The following MARCO variants were observed in gnomAD, a reference collection of about 807,000 sequenced individuals.
MARCO encodes the protein macrophage receptor MARCO.
Under a neutral mutation model 70.0 loss-of-function variants are expected in MARCO, and 72 were observed. That is an observed-to-expected ratio of 1.03 (90% CI 0.85 to 1.25). MARCO has a LOEUF of 1.25. Ranked by LOEUF, MARCO falls within the 50% of genes most tolerant of loss-of-function variation. The pLI, the probability that MARCO is intolerant of heterozygous loss-of-function variation, is 0.00. For synonymous variants in MARCO, 273 were observed against 243.1 expected (o/e 1.12, Z -1.14); for missense variants, 696 against 659.3 (o/e 1.06, Z -0.61).
intron 1 of MARCO, among the ~76,000 whole-genome samples, chr2:118,950,204 A>G (rs1354528916): frequency 6.6e-6 from 1 of 152,244 alleles, no homozygotes; most frequent in East Asian, 1.9e-4. Flanking sequence ...TAATTTTAAT[A>G]AAACCTTGTT....
At position 118,946,858 on chromosome 2, in the gene MARCO, C is replaced by T. The variant is rs547006698; in HGVS notation, c.97+4461C>T. Among the ~76,000 whole-genome samples, 27 of 152,304 alleles carry T rather than the reference C, an allele frequency of 1.8e-4. No individual in the cohort carries two copies. The South Asian group carries it at 3.5e-3, about 20-fold the overall frequency. On this transcript the variant is annotated intron_variant, in intron 1 of 16. Transcript: ENST00000327097. ...CACTATTTTTAAATGTAGCCATTCT[C>T]GTAGATGTATACTGATATTTCATTG... is the stretch of plus-strand genomic sequence containing the variant.
At chr2:118,972,427 T>C (rs996255620) in intron 4 of MARCO, among the ~76,000 whole-genome samples, 4 of 152,142 alleles carry the variant, frequency 2.6e-5, no homozygotes, top group Admixed American at 6.6e-5. Flanking sequence ...TGCAAAGTGA[T>C]GGAAGCAGGG....
intron 1 of MARCO, among the ~76,000 whole-genome samples, chr2:118,950,458 A>AT (rs34735214): frequency 0.39 from 59,608 of 151,930 alleles, 14,818 homozygotes; most frequent in African/African-American, 0.69. Context: ...TCAAAACAAA[A>AT]TTTTTTTAAC....
chr2:118,994,440 C>T lies in MARCO; in HGVS notation c.1483C>T (p.Leu495=), dbSNP rs1482808198. 1 of 1,614,024 alleles carries T rather than the reference C, an allele frequency of 6.2e-7. No individual in the cohort carries two copies. The highest frequency in any genetic ancestry group is 8.5e-7 in the Non-Finnish European group (1 of 1,179,966). The change falls in exon 17 of 17, where the codon CTG becomes TTG. Residue 495 remains leucine, a synonymous_variant. Coordinates refer to ENST00000327097, the MANE Select transcript of MARCO (RefSeq NM_006770.4). ...TCAGTGTCGGGGCACGGAGAGTACC[C>T]TGTGGAGCTGCACCAAGAATAGCTG... ...NVQCRGTEST[L]WSCTKNSWGH...
At position 118,942,414 on chromosome 2, in the gene MARCO, C is replaced by T. The variant is rs780370728; in HGVS notation, c.97+17C>T. 1.9e-6 allele frequency: 3 copies of T among 1,569,816 alleles called. No individual in the cohort carries two copies. In the African/African-American group the frequency reaches 4.1e-5, roughly 21 times the overall value. ...AAATCAATGGTAAAGTACGATTCCC[C>T]AATAATGGAAATGACCAGAAATGTA... On this transcript the variant is annotated intron_variant, in intron 1 of 16. Transcript: ENST00000327097.
rs78683772 is a variant in MARCO at position 118,989,741 on chromosome 2, T to C, written c.1064-848T>C. On this transcript the variant is annotated intron_variant, in intron 12 of 16. Transcript: ENST00000327097. ...GGACACAGATACTTATGACTCACTG[T>C]TGGTGTTCCCCTCATTACCCTCTAG... is the stretch of plus-strand genomic sequence containing the variant. Among the ~76,000 whole-genome samples the C allele has an allele frequency of 9.3e-3, 1,418 of 152,320 alleles. 10 individuals carry two copies. The highest frequency in any genetic ancestry group is 0.016 in the Non-Finnish European group (1,074 of 68,024).
intron 12 of MARCO, 131 bp from the exon 13 acceptor site, chr2:118,990,458 A>G: frequency 1.2e-6 from 1 of 840,404 alleles, no homozygotes; most frequent in Non-Finnish European, 1.9e-6. Flanking sequence ...GGCTTTAAAC[A>G]ATCGTGGAGA....
At chr2:118,961,234 G>T (rs1679940903) in intron 1 of MARCO, among the ~76,000 whole-genome samples, 1 of 150,916 alleles carries the variant, frequency 6.6e-6, no homozygotes, top group Admixed American at 6.6e-5. Flanking sequence ...AGAATGGTTT[G>T]TAATAGGATT....
At chr2:118,966,871 G>T (rs1354765112) in intron 1 of MARCO, among the ~76,000 whole-genome samples, 1 of 152,164 alleles carries the variant, frequency 6.6e-6, no homozygotes, top group Non-Finnish European at 1.5e-5. Flanking sequence ...TAAATGTGAG[G>T]CTCCCCTCGT....
intron 12 of MARCO, among the ~76,000 whole-genome samples, chr2:118,984,657 C>T (rs951000496): frequency 3.3e-5 from 5 of 152,164 alleles, no homozygotes; most frequent in Admixed American, 2.6e-4. Flanking sequence ...GCTAATTTAG[C>T]TGGGTATGTA....
chr2:118,990,569 C>CGGGG lies in MARCO; in HGVS notation c.1064-20_1064-19insGGGG. Reference sequence around the variant, plus strand: ...AGTTTTATTATCTCCTCCCCCCCCCCTTTTTTGTTTTGATCTTAGGACTTC... The same window carrying CGGGG: ...AGTTTTATTATCTCCTCCCCCCCCCCGGGGTTTTTTGTTTTGATCTTAGGACTTC... On this transcript the variant is annotated intron_variant, in intron 12 of 16. Transcript: ENST00000327097. 49 of 1,415,540 alleles carry CGGGG rather than the reference C, an allele frequency of 3.5e-5. No homozygotes were observed. Among genetic ancestry groups the CGGGG allele is most frequent in the East Asian group, 4.9e-5 (2 of 40,780 alleles). 87.7% of individuals were successfully genotyped at this position (1,415,540 alleles called of 1,614,324 possible). A position where few individuals can be genotyped will look rare whatever the true frequency, so the allele number is the denominator to read the frequency against.
At chr2:118,986,859 A>G (rs1219734792) in intron 12 of MARCO, among the ~76,000 whole-genome samples, 1 of 152,180 alleles carries the variant, frequency 6.6e-6, no homozygotes, top group Admixed American at 6.5e-5. Flanking sequence ...ACTCAGAATC[A>G]GGAGATCTGA....
At chr2:118,971,558 C>T (rs1481734673) in intron 4 of MARCO, 24 bp downstream of exon 4, 2 of 1,612,806 alleles carry the variant, frequency 1.2e-6, no homozygotes, top group Admixed American at 1.7e-5. Context: ...CACTCACACC[C>T]ACCCTGCTCT....
chr2:118,955,041 CA>C (rs1679808346), intron 1 of MARCO, among the ~76,000 whole-genome samples: 1 of 129,370 alleles, frequency 7.7e-6, no homozygotes, highest in East Asian at 2.2e-4. Flanking sequence ...CCCGCCCTGC[CA>C]AAAATAGAAA....
At chr2:118,954,262 G>T (rs1679785174) in intron 1 of MARCO, among the ~76,000 whole-genome samples, 1 of 152,134 alleles carries the variant, frequency 6.6e-6, no homozygotes, top group Non-Finnish European at 1.5e-5. Context: ...CCTTTGGTTT[G>T]TGTGGGAGCT....
intron 12 of MARCO, 80 bp from the exon 13 acceptor site, chr2:118,990,509 A>T: frequency 7.4e-7 from 1 of 1,357,394 alleles, no homozygotes; most frequent in Non-Finnish European, 1.1e-6. Context: ...GACAAAAGGT[A>T]GAGGTTGTCT....
intron 4 of MARCO, among the ~76,000 whole-genome samples, chr2:118,973,197 C>T (rs1680207780): frequency 1.3e-5 from 2 of 151,296 alleles, no homozygotes; most frequent in South Asian, 4.2e-4. Flanking sequence ...AGAAAAACTC[C>T]AACTCTCTCT....
At chr2:118,965,017 A>G (rs1032893407) in intron 1 of MARCO, among the ~76,000 whole-genome samples, 1 of 151,038 alleles carries the variant, frequency 6.6e-6, no homozygotes, top group Admixed American at 6.6e-5. Flanking sequence ...TTTAGTTATG[A>G]TGTGTCTTGA....
intron 1 of MARCO, among the ~76,000 whole-genome samples, chr2:118,965,386 C>T (rs1680025989): frequency 6.6e-6 from 1 of 152,022 alleles, no homozygotes; most frequent in African/African-American, 2.4e-5. Flanking sequence ...TTTTTTAGTT[C>T]TATAGTTTCC....
Sources: allele counts gnomAD v4.1 joint callset (sites outside exome capture counted in the v4.1 genomes callset), GRCh38; gene constraint gnomAD v4.1.1; transcripts MANE v1.5; gene names NCBI Gene and HGNC (gene_info 2026-07-23, HGNC 2026-07-21).